SFMBT2: variants seen among roughly 807,000 people sequenced by gnomAD.
SFMBT2 encodes the protein scm-like with four MBT domains protein 2.
A neutral mutation model predicts 110.1 loss-of-function variants in SFMBT2; 38 were observed. That is an observed-to-expected ratio of 0.35 (90% CI 0.27 to 0.45). The LOEUF (loss-of-function observed/expected upper bound fraction) is 0.45. SFMBT2 is among the 20% of genes least tolerant of loss of function. The probability of loss-of-function intolerance (pLI) is 1.00; values close to 1 mark genes in which losing one functional copy is unlikely to be tolerated. For synonymous variants in SFMBT2, 425 were observed against 425.4 expected (o/e 1.00, Z 0.01); for missense variants, 1,011 against 1,094.9 (o/e 0.92, Z 1.08).
chr10:7,372,268 TTTGTGTACTCTCAGAAA>T (rs1212780043), intron 2 of SFMBT2, among the ~76,000 whole-genome samples: 3 of 152,186 alleles, frequency 2.0e-5, no homozygotes, highest in African/African-American at 7.2e-5. Context: ...CTCTTAATAC[TTTGTGTACTCTCAGAAA>T]TTGAGGGAAG....
chr10:7,204,528 G>T, intron 12 of SFMBT2: 1 of 782,940 alleles, frequency 1.3e-6, no homozygotes, highest in African/African-American at 1.9e-5. Flanking sequence ...TGATTTATTA[G>T]GTTAGAAGAT....
intron 16 of SFMBT2, among the ~76,000 whole-genome samples, chr10:7,184,394 T>G (rs1402809123): frequency 1.3e-5 from 2 of 152,100 alleles, no homozygotes; most frequent in African/African-American, 4.8e-5. Context: ...CATTCTCTTC[T>G]CTTGTCTGCC....
At chr10:7,334,328 C>T (rs57828884) in intron 4 of SFMBT2, among the ~76,000 whole-genome samples, 5 of 152,184 alleles carry the variant, frequency 3.3e-5, no homozygotes, top group African/African-American at 1.2e-4. Flanking sequence ...GAGCCTGATG[C>T]TCAGACACAC....
At chr10:7,357,491 CCCCTG>C (rs1844559686) in intron 4 of SFMBT2, among the ~76,000 whole-genome samples, 1 of 152,160 alleles carries the variant, frequency 6.6e-6, no homozygotes, top group African/African-American at 2.4e-5. Flanking sequence ...ACACTGGCTC[CCCCTG>C]CTTCAGACTC....
chr10:7,234,038 G>A (rs548115367), intron 9 of SFMBT2, among the ~76,000 whole-genome samples: 2 of 152,200 alleles, frequency 1.3e-5, no homozygotes, highest in East Asian at 1.9e-4. Context: ...TGTTCTTGTC[G>A]ATGCTGTTTG....
intron 9 of SFMBT2, chr10:7,228,461 G>A: frequency 7.0e-6 from 4 of 575,034 alleles, no homozygotes; most frequent in Non-Finnish European, 8.8e-6. Flanking sequence ...AGAGTAGAGG[G>A]TTTGGAGAGA....
At chr10:7,223,533 T>TGCC (rs1839813696) in intron 10 of SFMBT2, among the ~76,000 whole-genome samples, 1 of 152,250 alleles carries the variant, frequency 6.6e-6, no homozygotes, top group Admixed American at 6.5e-5. Context: ...TTCATTTCCC[T>TGCC]GCCCATCTTC....
intron 16 of SFMBT2, among the ~76,000 whole-genome samples, chr10:7,181,627 G>A (rs1838248720): frequency 2.0e-5 from 3 of 152,166 alleles, no homozygotes; most frequent in Admixed American, 1.3e-4. Flanking sequence ...TCCATCACAT[G>A]AGCATTTCTG....
At chr10:7,370,197 C>T (rs1409403921) in intron 3 of SFMBT2, 84 bp downstream of exon 3, 2 of 1,238,336 alleles carry the variant, frequency 1.6e-6, no homozygotes, top group East Asian at 4.7e-5. Context: ...TGCCCTTCTT[C>T]CATTGAGTTC....
At chr10:7,404,334 A>G (rs1846156825) in intron 1 of SFMBT2, among the ~76,000 whole-genome samples, 1 of 152,226 alleles carries the variant, frequency 6.6e-6, no homozygotes, top group Admixed American at 6.5e-5. Context: ...CAGTTCATAT[A>G]GTAGTGTTGA....
At chr10:7,221,901 C>T (rs1198961876) in intron 10 of SFMBT2, among the ~76,000 whole-genome samples, 3 of 152,160 alleles carry the variant, frequency 2.0e-5, no homozygotes, top group Non-Finnish European at 4.4e-5. Flanking sequence ...CCCAAAATAC[C>T]CTTGCATTGG....
intron 4 of SFMBT2, among the ~76,000 whole-genome samples, chr10:7,336,634 A>G (rs1843723219): frequency 6.7e-6 from 1 of 148,786 alleles, no homozygotes; most frequent in Non-Finnish European, 1.5e-5. Flanking sequence ...AGCCTAGGTG[A>G]CACAGGGAGA....
At chr10:7,199,053 A>ACTG (rs1168789847) in intron 14 of SFMBT2, among the ~76,000 whole-genome samples, 1 of 152,158 alleles carries the variant, frequency 6.6e-6, no homozygotes, top group Non-Finnish European at 1.5e-5. Flanking sequence ...ATCTCAGCTC[A>ACTG]CTGCAACCTC....
chr10:7,385,756 T>C (rs963813599), intron 1 of SFMBT2, among the ~76,000 whole-genome samples: 3 of 152,022 alleles, frequency 2.0e-5, no homozygotes, highest in African/African-American at 4.8e-5. Flanking sequence ...TCCCAGCACT[T>C]TGGGAGGCCG....
intron 4 of SFMBT2, among the ~76,000 whole-genome samples, chr10:7,338,741 G>A (rs1375326389): frequency 6.6e-6 from 1 of 152,138 alleles, no homozygotes; most frequent in African/African-American, 2.4e-5. Flanking sequence ...GTTAACTGAA[G>A]TTGTTTTCAA....
chr10:7,197,802 G>T, intron 14 of SFMBT2, 115 bp from the exon 15 acceptor site: 1 of 1,389,420 alleles, frequency 7.2e-7, no homozygotes, highest in Non-Finnish European at 9.5e-7. Context: ...AGAGCTGTCC[G>T]AGGTCTTGGC....
At chr10:7,178,464 T>C (rs1464860604) in intron 16 of SFMBT2, among the ~76,000 whole-genome samples, 1 of 152,208 alleles carries the variant, frequency 6.6e-6, no homozygotes, top group Non-Finnish European at 1.5e-5. Context: ...CTTGAAGAGA[T>C]GGCACTGTCT....
intron 4 of SFMBT2, among the ~76,000 whole-genome samples, chr10:7,325,818 A>C (rs1015488637): frequency 7.9e-5 from 12 of 152,328 alleles, no homozygotes; most frequent in African/African-American, 2.9e-4. Context: ...AAAATGTTCT[A>C]ATGTTTTGGT....
At chr10:7,168,217 T>G (rs886983890) in intron 20 of SFMBT2, among the ~76,000 whole-genome samples, 2 of 152,186 alleles carry the variant, frequency 1.3e-5, no homozygotes, top group African/African-American at 4.8e-5. Context: ...ACTCAATACT[T>G]TAGGCTTTTC....
Sources: gnomAD v4.1 joint callset for allele counts (sites outside exome capture counted in the v4.1 genomes callset) on GRCh38, gnomAD v4.1.1 for gene constraint, MANE v1.5 for transcripts, NCBI Gene and HGNC (gene_info 2026-07-23, HGNC 2026-07-21) for gene names.